The following NECTIN4 variants were observed in gnomAD, a reference collection of about 807,000 sequenced individuals.
NECTIN4 encodes nectin cell adhesion molecule 4, also known as nectin-4.
In NECTIN4, 19 loss-of-function variants were observed where a neutral mutation model predicts 51.7. That is an observed-to-expected ratio of 0.37 (90% CI 0.26 to 0.54). The LOEUF is 0.54. NECTIN4 is among the 20% of genes least tolerant of loss of function. NECTIN4 has a pLI of 0.86. For synonymous variants in NECTIN4, 283 were observed against 286.9 expected, an observed-to-expected ratio of 0.99 and a Z score of 0.14; for missense variants, 619 against 662.4, an observed-to-expected ratio of 0.93 and a Z score of 0.72.
chr1:161,086,180 A>G (rs541621275), intron 1 of NECTIN4, among the ~76,000 whole-genome samples: 28 of 152,148 alleles, frequency 1.8e-4, no homozygotes, highest in Admixed American at 7.2e-4. Flanking sequence ...ATCCCCATTC[A>G]CTTTGCCTAG....
intron 7 of NECTIN4, 64 bp from the exon 8 acceptor site, chr1:161,073,363 CT>C (rs1653267446): frequency 3.6e-6 from 5 of 1,385,024 alleles, no homozygotes; most frequent in Non-Finnish European, 5.1e-6. Flanking sequence ...GCCTCTTCCC[CT>C]CTTGTCCTCC....
chr1:161,079,999 G>A (rs1653607483), intron 1 of NECTIN4, 50 bp from the exon 2 acceptor site: 1 of 1,545,478 alleles, frequency 6.5e-7, no homozygotes. Context: ...TGCCAGAGCT[G>A]GGGGAGCACA....
intron 4 of NECTIN4, among the ~76,000 whole-genome samples, chr1:161,075,558 G>T (rs1002613641): frequency 6.6e-6 from 1 of 151,850 alleles, no homozygotes; most frequent in African/African-American, 2.4e-5. Flanking sequence ...ATCACCCGAG[G>T]TCAGCAGTTC....
At chr1:161,073,036 G>A (rs549361950) in intron 8 of NECTIN4, 151 bp from the exon 9 acceptor site, 8 of 934,040 alleles carry the variant, frequency 8.6e-6, no homozygotes. Context: ...TCGGGGACCA[G>A]GAACAAGTGT....
rs756313946 is a variant in NECTIN4, at chr1:161,072,647, G to A, written c.*14C>T. ...CAGAAGGAGCCAGGCCTAGGGAAGG[G>A]AGGCAGGCCTGGGTCAGACCAGGTG... On this transcript the variant is annotated 3_prime_UTR_variant, in exon 9 of 9. Coordinates refer to ENST00000368012, the MANE Select transcript of NECTIN4 (RefSeq NM_030916.3). The A allele has an allele frequency of 7.5e-6, 12 of 1,607,638 alleles. No homozygotes were observed. The highest frequency in any genetic ancestry group is 1.6e-4 in the Middle Eastern group (1 of 6,068).
intron 1 of NECTIN4, chr1:161,085,121 T>G (rs149556753): frequency 1.3e-5 from 2 of 152,100 alleles, no homozygotes; most frequent in East Asian, 3.9e-4. Context: ...AACCAGAAGA[T>G]TCCCTCTCCG....
rs74124633 is a variant in NECTIN4 at position 161,089,553 on chromosome 1, G to A, written c.-257C>T. The A allele has an allele frequency of 1.2e-3, 649 of 534,078 alleles. 7 individuals carry two copies. Among genetic ancestry groups the A allele is most frequent in the African/African-American group, 0.011 (597 of 52,204 alleles). The allele number at this position is 534,078 out of a possible 1,614,324, so 33.1% of individuals were successfully genotyped here. On this transcript the variant is annotated 5_prime_UTR_variant, in exon 1 of 9. Coordinates refer to ENST00000368012, the MANE Select transcript of NECTIN4 (RefSeq NM_030916.3). The surrounding 1 kb of genome is among the most constrained non-coding windows in gnomAD (Gnocchi z 4.1). Reference sequence around the variant, plus strand: ...TGCTTCCCACGCTGTGGCCAACAACGACGGCAGAAACCTGGGAACCTGCTC... The same window carrying A: ...TGCTTCCCACGCTGTGGCCAACAACAACGGCAGAAACCTGGGAACCTGCTC...
Position 161,089,432 on chromosome 1 carries a change from C to T in NECTIN4, c.-136G>A. 1.3e-6 allele frequency: 1 copy of T among 768,606 alleles called. No individual in the cohort carries two copies. The highest frequency in any genetic ancestry group is 2.2e-6 in the Non-Finnish European group (1 of 448,904). 47.6% of individuals were successfully genotyped at this position (768,606 alleles called of 1,614,324 possible). A position where few individuals can be genotyped will look rare whatever the true frequency, so the allele number is the denominator to read the frequency against. On this transcript the variant is annotated 5_prime_UTR_variant, in exon 1 of 9. It adds an upstream start codon to the 5' untranslated region. Transcript: ENST00000368012. The surrounding 1 kb of genome is among the most constrained non-coding windows in gnomAD (Gnocchi z 4.1). ...CTTGCCTCTCGCACTTGGGTCTCCA[C>T]TAGGGGACCCAGCCCCAGCCCCGGC...
At chr1:161,073,511 C>T (rs971442298) in intron 7 of NECTIN4, among the ~76,000 whole-genome samples, 1 of 152,362 alleles carries the variant, frequency 6.6e-6, no homozygotes, top group Non-Finnish European at 1.5e-5. Context: ...AGAAAAGGCC[C>T]TAGGCCAATG....
intron 1 of NECTIN4, among the ~76,000 whole-genome samples, chr1:161,086,315 G>A (rs1653942552): frequency 6.6e-6 from 1 of 152,120 alleles, no homozygotes; most frequent in African/African-American, 2.4e-5. Flanking sequence ...CAAGGTCACT[G>A]GGGTCACAGG....
intron 5 of NECTIN4, 42 bp from the exon 6 acceptor site, chr1:161,074,415 C>T: frequency 6.2e-7 from 1 of 1,613,894 alleles, no homozygotes; most frequent in Non-Finnish European, 8.5e-7. Context: ...AGCCTGCAGC[C>T]ACAACCCACC....
At chr1:161,086,706 G>T (rs1304892029) in intron 1 of NECTIN4, among the ~76,000 whole-genome samples, 2 of 152,212 alleles carry the variant, frequency 1.3e-5, no homozygotes, top group Non-Finnish European at 2.9e-5. Flanking sequence ...ACAAAGAGCT[G>T]TGGTGCTGAG....
intron 1 of NECTIN4, chr1:161,084,795 C>G (rs1237403344): frequency 6.6e-6 from 1 of 152,162 alleles, no homozygotes; most frequent in African/African-American, 2.4e-5. Flanking sequence ...GAAAAACCAG[C>G]TCTGGCTCCA....
chr1:161,082,181 T>C (rs1653707096), intron 1 of NECTIN4, among the ~76,000 whole-genome samples: 1 of 151,570 alleles, frequency 6.6e-6, no homozygotes, highest in Admixed American at 6.6e-5. Flanking sequence ...ATAAAAAAAT[T>C]AGATGGGCGT....
chr1:161,089,444 G>A lies in NECTIN4; in HGVS notation c.-148C>T, dbSNP rs1654100018. ...ACTTGGGTCTCCACTAGGGGACCCA[G>A]CCCCAGCCCCGGCCCCGTTCTACAC... On this transcript the variant is annotated 5_prime_UTR_variant, in exon 1 of 9. Transcript: ENST00000368012. The surrounding 1 kb of genome is among the most constrained non-coding windows in gnomAD (Gnocchi z 4.1). 16 of 718,766 alleles carry A rather than the reference G, an allele frequency of 2.2e-5. No individual in the cohort carries two copies. In the South Asian group the frequency reaches 2.4e-4, roughly 11 times the overall value. The allele number at this position is 718,766 out of a possible 1,614,324, so 44.5% of individuals were successfully genotyped here. A position where few individuals can be genotyped will look rare whatever the true frequency, so the allele number is the denominator to read the frequency against.
rs1482818112 is a variant in NECTIN4, at chr1:161,072,727, AT to A, written c.1466del (p.Asn489MetfsTer37). 1.2e-6 allele frequency: 2 copies of A among 1,614,094 alleles called. No homozygotes were observed. The highest frequency in any genetic ancestry group is 2.7e-5 in the African/African-American group (2 of 74,926). On this transcript the variant is annotated frameshift_variant, in exon 9 of 9. Transcript: ENST00000368012. LOFTEE classifies it high-confidence loss of function. ...KQAMNHFVQE[N>X]GTLRAKPTGN... ...CCGTGGGCTTGGCCCGTAGGGTCCCATTCTCCTGAACAAAATGGTTCATGGC... is the reference window on the plus strand; with the variant it reads ...CCGTGGGCTTGGCCCGTAGGGTCCCATCTCCTGAACAAAATGGTTCATGGC...
In NECTIN4 at chr1:161,089,504, G is replaced by A. The variant is rs952386697; in HGVS notation, c.-208C>T. Reference sequence around the variant, plus strand: ...TAGCTACCCCCAAGAAGCCGTGATCGGGAGCTCCGAGCTCCCCCAGAGCTG... The same window carrying A: ...TAGCTACCCCCAAGAAGCCGTGATCAGGAGCTCCGAGCTCCCCCAGAGCTG... On this transcript the variant is annotated 5_prime_UTR_variant, in exon 1 of 9. Transcript: ENST00000368012. The surrounding 1 kb of genome is among the most constrained non-coding windows in gnomAD (Gnocchi z 4.1). The A allele has an allele frequency of 1.5e-4, 89 of 600,692 alleles. No individual in the cohort carries two copies. Among genetic ancestry groups the A allele is most frequent in the Admixed American group, 6.1e-4 (23 of 37,842 alleles). The allele number at this position is 600,692 out of a possible 1,614,324, so 37.2% of individuals were successfully genotyped here. A position where few individuals can be genotyped will look rare whatever the true frequency, so the allele number is the denominator to read the frequency against.
Position 161,072,628 on chromosome 1 carries a change from G to A in NECTIN4, c.*33C>T. The A allele has an allele frequency of 2.5e-6, 4 of 1,575,122 alleles. No homozygotes were observed. Among genetic ancestry groups the A allele is most frequent in the Non-Finnish European group, 3.5e-6 (4 of 1,144,420 alleles). On this transcript the variant is annotated 3_prime_UTR_variant, in exon 9 of 9. Coordinates refer to ENST00000368012, the MANE Select transcript of NECTIN4 (RefSeq NM_030916.3). Reference sequence around the variant, plus strand: ...CTAAAATCTCCCATGTCAACAGAAGGAGCCAGGCCTAGGGAAGGGAGGCAG... The same window carrying A: ...CTAAAATCTCCCATGTCAACAGAAGAAGCCAGGCCTAGGGAAGGGAGGCAG...
chr1:161,080,555 A>G (rs1435559938), intron 1 of NECTIN4, among the ~76,000 whole-genome samples: 9 of 152,134 alleles, frequency 5.9e-5, no homozygotes, highest in Non-Finnish European at 1.3e-4. Context: ...CTGGATTCCT[A>G]TAGCGCAGGA....
Sources: gnomAD v4.1 joint callset for allele counts (sites outside exome capture counted in the v4.1 genomes callset) on GRCh38, gnomAD v4.1.1 for gene constraint, Gnocchi (gnomAD v3.1) non-coding constraint, MANE v1.5 for transcripts, NCBI Gene and HGNC (gene_info 2026-07-23, HGNC 2026-07-21) for gene names.